The following NCAPG variants were observed in gnomAD, a reference collection of about 807,000 sequenced individuals.
NCAPG encodes the protein condensin complex subunit 3.
A neutral mutation model predicts 113.1 loss-of-function variants in NCAPG; 69 were observed. The ratio of observed to expected loss-of-function variants is 0.61; its 90% CI spans 0.50 to 0.75. NCAPG has a LOEUF of 0.75. NCAPG is among the 30% of genes least tolerant of loss of function. The probability of loss-of-function intolerance (pLI) is 0.00; values close to 1 mark genes in which losing one functional copy is unlikely to be tolerated. For missense variants in NCAPG, 1,058 were observed against 1,177.0 expected, an observed-to-expected ratio of 0.90 and a Z score of 1.48; for synonymous variants, 370 against 415.8, an observed-to-expected ratio of 0.89 and a Z score of 1.34.
At chr4:17,839,135 C>T (rs1446643979) in intron 16 of NCAPG, among the ~76,000 whole-genome samples, 1 of 152,166 alleles carries the variant, frequency 6.6e-6, no homozygotes, top group Non-Finnish European at 1.5e-5. Flanking sequence ...CTCTCATGAT[C>T]AGTGTCTTGG....
At chr4:17,834,956 T>G (rs1252290032) in intron 14 of NCAPG, among the ~76,000 whole-genome samples, 1 of 152,136 alleles carries the variant, frequency 6.6e-6, no homozygotes, top group African/African-American at 2.4e-5. Flanking sequence ...GTGATTAAAG[T>G]GGGTTGTTAT....
intron 20 of NCAPG, 177 bp from the exon 21 acceptor site, chr4:17,843,125 A>G (rs1195351987): frequency 1.4e-5 from 8 of 563,828 alleles, no homozygotes; most frequent in South Asian, 2.5e-5. Context: ...TCACTTTGCT[A>G]GATAGCCAAG....
rs1172566788 is a variant in NCAPG, at chr4:17,840,143, T to A, written c.2701T>A (p.Phe901Ile). The A allele has an allele frequency of 1.9e-6, 3 of 1,612,064 alleles. No homozygotes were observed. Among genetic ancestry groups the A allele is most frequent in the East Asian group, 2.2e-5 (1 of 44,740 alleles). Residue 901 changes from phenylalanine to isoleucine, a missense_variant, in exon 18 of 21, where the codon TTT becomes ATT. By Grantham distance (21) the Phe-to-Ile change is conservative. Coordinates refer to ENST00000251496, the MANE Select transcript of NCAPG (RefSeq NM_022346.5). ...TCAGTTAGAAAAAGGAAATAAAGAATTTGGTGACCAAGCTGAAGCAGCACA... is the reference window on the plus strand; with the variant it reads ...TCAGTTAGAAAAAGGAAATAAAGAAATTGGTGACCAAGCTGAAGCAGCACA... ...KIQLEKGNKE[F>I]GDQAEAAQDA...
rs558411793 is a variant in NCAPG at position 17,840,935 on chromosome 4, A to G, written c.2854+242A>G. Among the ~76,000 whole-genome samples, 17 of 152,096 alleles carry G rather than the reference A, an allele frequency of 1.1e-4. No individual in the cohort carries two copies. In the South Asian group the frequency reaches 3.5e-3, roughly 31 times the overall value. ...GATTGAAAGAAGTATGATGCAAAAG[A>G]TATTACAAAAGACAATTTGGGTTAA... On this transcript the variant is annotated intron_variant, in intron 19 of 20. Transcript: ENST00000251496.
rs1721594234 is a variant in NCAPG, at chr4:17,824,826, CAG to C, written c.1384-140_1384-139del. On this transcript the variant is annotated intron_variant, in intron 9 of 20. Transcript: ENST00000251496. The stretch of plus-strand genomic sequence containing the variant: ...TTTTTTTCTAAAATTGTCTAGCAAA[CAG>C]AATGTGTGCTATTTCTACCAGTATG... 8.0e-6 allele frequency: 4 copies of C among 499,636 alleles called. No homozygotes were observed. The South Asian group carries it at 1.2e-4, about 15-fold the overall frequency. The allele number at this position is 499,636 out of a possible 1,614,324, so 31.0% of individuals were successfully genotyped here.
Position 17,843,398 on chromosome 4 carries a change from C to T in NCAPG, c.3021C>T (p.Ala1007=), listed in dbSNP as rs771060252. Reference sequence around the variant, plus strand: ...TAGAAAAAAGTAAACTTAACCTTGCCCAATTTCTCAATGAAGATCTAAGTT... The same window carrying T: ...TAGAAAAAAGTAAACTTAACCTTGCTCAATTTCTCAATGAAGATCTAAGTT... ...AALEKSKLNL[A]QFLNEDLS The change falls in exon 21 of 21, where the codon GCC becomes GCT. Residue 1007 remains alanine (A), a synonymous_variant. Transcript: ENST00000251496. 6.2e-7 allele frequency: 1 copy of T among 1,611,494 alleles called. No individual in the cohort carries two copies. Among genetic ancestry groups the T allele is most frequent in the East Asian group, 2.2e-5 (1 of 44,816 alleles).
intron 11 of NCAPG, among the ~76,000 whole-genome samples, chr4:17,827,320 G>A (rs1472906013): frequency 6.6e-6 from 1 of 152,226 alleles, no homozygotes; most frequent in African/African-American, 2.4e-5. Flanking sequence ...AAGTGGTTAG[G>A]TAAGTCTTAT....
chr4:17,827,119 A>T lies in NCAPG; in HGVS notation c.1654-1159A>T, dbSNP rs571944701. On this transcript the variant is annotated intron_variant, in intron 11 of 20. Transcript: ENST00000251496. ...GAATGTTGTAGACAGATGGAGCAAC[A>T]TCTGTGATGGTCCAGAAGTTAAAGA... Among the ~76,000 whole-genome samples, 3 of 152,354 alleles carry T rather than the reference A, an allele frequency of 2.0e-5. No individual in the cohort carries two copies. In the South Asian group the frequency reaches 6.2e-4, roughly 32 times the overall value.
chr4:17,828,458 A>G (rs906914105), intron 12 of NCAPG, 70 bp downstream of exon 12: 3 of 805,962 alleles, frequency 3.7e-6, no homozygotes, highest in Admixed American at 2.5e-5. Flanking sequence ...TATGTTCTTT[A>G]GAAATCAAAA....
intron 11 of NCAPG, among the ~76,000 whole-genome samples, chr4:17,827,118 C>T (rs1273518650): frequency 6.6e-6 from 1 of 152,192 alleles, no homozygotes; most frequent in East Asian, 1.9e-4. Context: ...GATGGAGCAA[C>T]ATCTGTGATG....
Position 17,812,428 on chromosome 4 carries a change from C to T in NCAPG, c.315+4C>T, listed in dbSNP as rs1237206695. 1.9e-6 allele frequency: 3 copies of T among 1,608,986 alleles called. 1 individual carries two copies. In the African/African-American group the frequency reaches 4.0e-5, roughly 22 times the overall value. On this transcript the variant is annotated splice_donor_region_variant and intron_variant, in intron 2 of 20. Transcript: ENST00000251496. ...TTTGTTTACTTTTCTCTTAAAGGTA[C>T]TATGAAAATGATAGCTTTGGGGAGG...
In NCAPG at chr4:17,842,383, T is replaced by C. The variant is rs758489610; in HGVS notation, c.2924+4T>C. 3 of 1,610,192 alleles carry C rather than the reference T, an allele frequency of 1.9e-6. No homozygotes were observed. Among genetic ancestry groups the C allele is most frequent in the Non-Finnish European group, 2.5e-6 (3 of 1,176,960 alleles). On this transcript the variant is annotated splice_donor_region_variant and intron_variant, in intron 20 of 20. Transcript: ENST00000251496. ...CTGCTGAAGCCGACTCTGAAAGGTA[T>C]GTCATGCATGTCTAGAATATATGGA... is the stretch of plus-strand genomic sequence containing the variant.
intron 16 of NCAPG, among the ~76,000 whole-genome samples, chr4:17,839,066 C>CT (rs1476447807): frequency 2.0e-5 from 3 of 152,128 alleles, no homozygotes; most frequent in Non-Finnish European, 2.9e-5. Flanking sequence ...CAGGAAAACT[C>CT]TAAGTATGTG....
intron 7 of NCAPG, among the ~76,000 whole-genome samples, chr4:17,820,610 C>CA (rs1039218329): frequency 4.6e-5 from 7 of 151,026 alleles, no homozygotes; most frequent in South Asian, 2.1e-4. Flanking sequence ...TCAAAAAAAA[C>CA]AAAAAAAAGA....
intron 6 of NCAPG, 42 bp from the exon 7 acceptor site, chr4:17,817,897 A>T: frequency 6.5e-7 from 1 of 1,540,578 alleles, no homozygotes; most frequent in Non-Finnish European, 8.7e-7. Context: ...CTTAATGATA[A>T]AAAGATCATG....
At chr4:17,833,373 C>T (rs916667580) in intron 13 of NCAPG, among the ~76,000 whole-genome samples, 10 of 151,526 alleles carry the variant, frequency 6.6e-5, no homozygotes, top group African/African-American at 2.2e-4. Context: ...GCAGGAGAAT[C>T]GCTTGAACCC....
At chr4:17,815,079 T>C in intron 4 of NCAPG, 81 bp downstream of exon 4, 1 of 1,546,008 alleles carries the variant, frequency 6.5e-7, no homozygotes, top group Non-Finnish European at 8.8e-7. Context: ...GAAAAATACT[T>C]GGCATGTAAT....
At chr4:17,825,283 T>C (rs557824765) in intron 10 of NCAPG, 99 bp from the exon 11 acceptor site, 1 of 1,109,716 alleles carries the variant, frequency 9.0e-7, no homozygotes. Context: ...CTCATTAAAT[T>C]CTGGGCAGTT....
intron 7 of NCAPG, among the ~76,000 whole-genome samples, chr4:17,820,382 A>G (rs1373675229): frequency 6.6e-6 from 1 of 152,126 alleles, no homozygotes. Context: ...CCGGTGGATC[A>G]CGAGGTCAGG....
Sources: allele counts gnomAD v4.1 joint callset (sites outside exome capture counted in the v4.1 genomes callset), GRCh38; gene constraint gnomAD v4.1.1; transcripts MANE v1.5; gene names NCBI Gene and HGNC (gene_info 2026-07-23, HGNC 2026-07-21).